COBL: variants seen among roughly 807,000 people sequenced by gnomAD.
COBL encodes the protein protein cordon-bleu.
A neutral mutation model predicts 98.8 loss-of-function variants in COBL; 51 were observed. The observed-to-expected ratio is 0.52, with a 90% CI of 0.41 to 0.65. The LOEUF is 0.65. COBL is among the 30% of genes least tolerant of loss of function. The pLI is 0.00. For missense variants in COBL, 1,617 were observed against 1,617.5 expected (o/e 1.00, Z 0.01); for synonymous variants, 634 against 651.7 (o/e 0.97, Z 0.41).
chr7:51,133,553 G>A (rs1228910501), intron 6 of COBL, among the ~76,000 whole-genome samples: 1 of 152,170 alleles, frequency 6.6e-6, no homozygotes, highest in Non-Finnish European at 1.5e-5. Context: ...GTGGGGCCCA[G>A]GAAAATGTGT....
intron 1 of COBL, among the ~76,000 whole-genome samples, chr7:51,256,950 A>G (rs1346792124): frequency 6.6e-6 from 1 of 152,190 alleles, no homozygotes; most frequent in African/African-American, 2.4e-5. Flanking sequence ...CTCATTTATT[A>G]TATTATATAA....
chr7:51,311,252 G>T (rs1431242899), intron 1 of COBL, among the ~76,000 whole-genome samples: 1 of 152,156 alleles, frequency 6.6e-6, no homozygotes, highest in Non-Finnish European at 1.5e-5. Flanking sequence ...GGAGCAGCTC[G>T]CCACCTGATG....
rs1787455036 is a variant in COBL, at chr7:51,025,440, A to G, written c.3505-68T>C. ...TCCCAAAATTCAGCTGTGAAATCCC[A>G]ACGCCCAAGGTAGTGGCATGAGGAG... is the stretch of plus-strand genomic sequence containing the variant. On this transcript the variant is annotated intron_variant, in intron 11 of 12. Transcript: ENST00000265136. 5.2e-6 allele frequency: 8 copies of G among 1,540,544 alleles called. No homozygotes were observed. In the South Asian group the frequency reaches 7.1e-5, roughly 14 times the overall value.
In COBL at chr7:51,043,366, T is replaced by G. The variant is rs1427308412; in HGVS notation, c.1406+17A>C. ...TGGCTGTGACTTCCGTACCCACCCATCCTTCCCGTGACTCACCTCAGATGT... is the reference window on the plus strand; with the variant it reads ...TGGCTGTGACTTCCGTACCCACCCAGCCTTCCCGTGACTCACCTCAGATGT... On this transcript the variant is annotated intron_variant, in intron 8 of 12. Transcript: ENST00000265136. The G allele has an allele frequency of 3.1e-6, 5 of 1,611,396 alleles. 1 individual carries two copies. In the South Asian group the frequency reaches 5.5e-5, roughly 18 times the overall value.
chr7:51,084,592 T>C (rs949051480), intron 7 of COBL, among the ~76,000 whole-genome samples: 3 of 152,162 alleles, frequency 2.0e-5, no homozygotes, highest in African/African-American at 7.2e-5. Context: ...GCTATGATGA[T>C]CTAATAGGTC....
intron 1 of COBL, among the ~76,000 whole-genome samples, chr7:51,227,206 G>A (rs1469408611): frequency 2.6e-5 from 4 of 152,168 alleles, no homozygotes; most frequent in African/African-American, 4.8e-5. Flanking sequence ...CCTTTACTCT[G>A]ATGTGGGGTC....
At chr7:51,018,748 T>C (rs1339196912) in intron 12 of COBL, among the ~76,000 whole-genome samples, 5 of 150,832 alleles carry the variant, frequency 3.3e-5, no homozygotes, top group African/African-American at 4.9e-5. Flanking sequence ...AAAAATTAGC[T>C]GGGCATGATG....
chr7:51,144,032 C>G (rs1784800474), intron 5 of COBL, among the ~76,000 whole-genome samples: 2 of 152,108 alleles, frequency 1.3e-5, no homozygotes. Flanking sequence ...TTCAAGTGAT[C>G]TAAAGTAAGC....
intron 1 of COBL, among the ~76,000 whole-genome samples, chr7:51,236,301 C>CA (rs1795255828): frequency 1.3e-5 from 2 of 152,194 alleles, no homozygotes; most frequent in African/African-American, 2.4e-5. Flanking sequence ...TACAGTGCAA[C>CA]AGGCACTGGG....
intron 4 of COBL, among the ~76,000 whole-genome samples, chr7:51,185,665 T>C (rs1267151344): frequency 1.3e-5 from 2 of 152,242 alleles, no homozygotes; most frequent in Admixed American, 6.5e-5. Context: ...TGCCAACTGA[T>C]AGCAAGAGCT....
At chr7:51,227,079 G>A (rs1794276052) in intron 1 of COBL, among the ~76,000 whole-genome samples, 1 of 152,190 alleles carries the variant, frequency 6.6e-6, no homozygotes, top group Non-Finnish European at 1.5e-5. Flanking sequence ...ATGCTAGGAT[G>A]TTTGGACTCC....
At chr7:51,223,763 C>G (rs1793892583) in intron 1 of COBL, among the ~76,000 whole-genome samples, 1 of 152,244 alleles carries the variant, frequency 6.6e-6, no homozygotes, top group African/African-American at 2.4e-5. Flanking sequence ...TCTACGTTGG[C>G]TGCACTGTGG....
intron 1 of COBL, chr7:51,259,543 G>A: frequency 1.4e-6 from 1 of 696,876 alleles, no homozygotes; most frequent in South Asian, 1.4e-5. Flanking sequence ...ACTGAGAAGT[G>A]GAAAGGGCGC....
intron 7 of COBL, chr7:51,064,879 A>G (rs1416965962): frequency 6.8e-6 from 3 of 438,646 alleles, no homozygotes; most frequent in Non-Finnish European, 1.2e-5. Context: ...GCCAGGCCTG[A>G]GCACAGTCTC....
intron 4 of COBL, among the ~76,000 whole-genome samples, chr7:51,186,204 G>C (rs1470284006): frequency 4.6e-5 from 7 of 152,224 alleles, no homozygotes; most frequent in Non-Finnish European, 8.8e-5. Context: ...GATGTTTCTA[G>C]AATTGAGTGG....
Position 51,233,560 on chromosome 7 carries a change from T to C in COBL, c.42-13616A>G, listed in dbSNP as rs570797820. On this transcript the variant is annotated intron_variant, in intron 1 of 12. Coordinates refer to ENST00000265136, the MANE Select transcript of COBL (RefSeq NM_015198.5). ...AGCAGGCCGTGCGCTCTGAAAGGCATCTCTGCCGCCTGCTGATAAGCCCCG... is the reference window on the plus strand; with the variant it reads ...AGCAGGCCGTGCGCTCTGAAAGGCACCTCTGCCGCCTGCTGATAAGCCCCG... Among the ~76,000 whole-genome samples, 4 of 152,284 alleles carry C rather than the reference T, an allele frequency of 2.6e-5. No individual in the cohort carries two copies. The South Asian group carries it at 8.3e-4, about 32-fold the overall frequency.
At position 51,068,019 on chromosome 7, in the gene COBL, C is replaced by T. The variant is rs1019502164; in HGVS notation, c.1096+17147G>A. On this transcript the variant is annotated intron_variant, in intron 7 of 12. Coordinates refer to ENST00000265136, the MANE Select transcript of COBL (RefSeq NM_015198.5). ...AGACAGATGCTGCCCTGGTGCCTGCCGCTGCCTAGCCCCAGCCTGGCAGCT... is the reference window on the plus strand; with the variant it reads ...AGACAGATGCTGCCCTGGTGCCTGCTGCTGCCTAGCCCCAGCCTGGCAGCT... Among the ~76,000 whole-genome samples the T allele has an allele frequency of 7.2e-5, 11 of 152,298 alleles. No individual in the cohort carries two copies. The South Asian group carries it at 2.1e-3, about 29-fold the overall frequency.
At chr7:51,084,261 C>G (rs79932943) in intron 7 of COBL, among the ~76,000 whole-genome samples, 369 of 152,240 alleles carry the variant, frequency 2.4e-3, no homozygotes, top group African/African-American at 7.7e-3. Context: ...AGGACTTTCC[C>G]TCCTGCAGCT....
Position 51,028,320 on chromosome 7 carries a change from T to C in COBL, c.2776A>G (p.Lys926Glu), listed in dbSNP as rs1263800981. Residue 926 changes from lysine (K) to glutamate (E), a missense_variant, in exon 10 of 13, where the codon AAG (lysine) becomes GAG (glutamate). Coordinates refer to ENST00000265136, the MANE Select transcript of COBL (RefSeq NM_015198.5). ...SSPHSETQGW[K>E]DGAQWPCVTP... ...ACACAGGGCCACTGGGCACCATCCTTCCATCCTTGTGTCTCTGAGTGTGGG... is the reference window on the plus strand; with the variant it reads ...ACACAGGGCCACTGGGCACCATCCTCCCATCCTTGTGTCTCTGAGTGTGGG... 13 of 1,614,106 alleles carry C rather than the reference T, an allele frequency of 8.1e-6. No homozygotes were observed. The highest frequency in any genetic ancestry group is 1.1e-5 in the Non-Finnish European group (13 of 1,180,048).
Sources: allele counts gnomAD v4.1 joint callset (sites outside exome capture counted in the v4.1 genomes callset), GRCh38; gene constraint gnomAD v4.1.1; transcripts MANE v1.5; gene names NCBI Gene and HGNC (gene_info 2026-07-23, HGNC 2026-07-21).